The following CLIP1 variants were observed in gnomAD, a reference collection of about 807,000 sequenced individuals.
CLIP1 encodes the protein CAP-Gly domain-containing linker protein 1.
Under a neutral mutation model 161.6 loss-of-function variants are expected in CLIP1, and 66 were observed. That is an observed-to-expected ratio of 0.41 (90% confidence interval 0.33 to 0.50). CLIP1 has a LOEUF of 0.50. Ranked by LOEUF, CLIP1 falls within the 20% of genes least tolerant of loss-of-function variation. The pLI is 0.27. For synonymous variants in CLIP1, 598 were observed against 626.2 expected (o/e 0.96, Z 0.67); for missense variants, 1,376 against 1,702.0 (o/e 0.81, Z 3.37).
At chr12:122,313,776 A>G (rs906969039) in intron 19 of CLIP1, among the ~76,000 whole-genome samples, 1 of 152,154 alleles carries the variant, frequency 6.6e-6, no homozygotes, top group African/African-American at 2.4e-5. Context: ...CCAACACCAC[A>G]CTGAGGGTAG....
chr12:122,397,304 C>G (rs1955950534), intron 1 of CLIP1, among the ~76,000 whole-genome samples: 1 of 120,874 alleles, frequency 8.3e-6, no homozygotes, highest in Non-Finnish European at 2.0e-5. Flanking sequence ...ACAACAGAAT[C>G]AAAAGATGGA....
intron 10 of CLIP1, among the ~76,000 whole-genome samples, chr12:122,344,656 A>G (rs1952660536): frequency 6.6e-6 from 1 of 152,210 alleles, no homozygotes; most frequent in African/African-American, 2.4e-5. Flanking sequence ...TCATTTCCCA[A>G]AATCTGCCCT....
At chr12:122,302,807 G>A (rs771862804) in intron 20 of CLIP1, among the ~76,000 whole-genome samples, 1 of 152,124 alleles carries the variant, frequency 6.6e-6, no homozygotes, top group African/African-American at 2.4e-5. Flanking sequence ...ATGTTAGCCA[G>A]GCTGGTTTCA....
At chr12:122,308,899 C>G (rs1473563795) in intron 20 of CLIP1, among the ~76,000 whole-genome samples, 1 of 152,156 alleles carries the variant, frequency 6.6e-6, no homozygotes, top group Non-Finnish European at 1.5e-5. Flanking sequence ...GTACAACTAC[C>G]CCAAACTAAT....
intron 20 of CLIP1, among the ~76,000 whole-genome samples, chr12:122,293,478 C>A (rs1336725085): frequency 1.4e-5 from 2 of 141,800 alleles, no homozygotes; most frequent in East Asian, 6.1e-4. Flanking sequence ...TTGAGAATTT[C>A]TTTTTCTTTT....
chr12:122,363,962 G>T, intron 4 of CLIP1, 21 bp downstream of exon 4: 1 of 1,613,604 alleles, frequency 6.2e-7, no homozygotes, highest in Non-Finnish European at 8.5e-7. Flanking sequence ...GACACAAGAT[G>T]TTGCACAACG....
At chr12:122,289,805 GTT>G (rs11286847) in intron 20 of CLIP1, among the ~76,000 whole-genome samples, 71 of 136,792 alleles carry the variant, frequency 5.2e-4, no homozygotes, top group East Asian at 1.3e-3. Flanking sequence ...CACTGTTAAT[GTT>G]TTTTTTTTTT....
chr12:122,318,159 C>T (rs1951341323), intron 18 of CLIP1, among the ~76,000 whole-genome samples: 1 of 152,198 alleles, frequency 6.6e-6, no homozygotes, highest in Non-Finnish European at 1.5e-5. Flanking sequence ...ATGAGGAGGC[C>T]TGGTCTTTAC....
chr12:122,393,782 C>T (rs181072401), intron 1 of CLIP1, among the ~76,000 whole-genome samples: 29 of 151,698 alleles, frequency 1.9e-4, no homozygotes, highest in African/African-American at 5.3e-4. Flanking sequence ...TGTGGTGGTG[C>T]GCACCAGTAG....
intron 1 of CLIP1, among the ~76,000 whole-genome samples, chr12:122,397,549 T>C (rs1471892593): frequency 3.7e-5 from 2 of 54,018 alleles, no homozygotes; most frequent in South Asian, 8.9e-4. Context: ...CCAGACTCCA[T>C]CTCCAAAAAA....
intron 1 of CLIP1, among the ~76,000 whole-genome samples, chr12:122,388,127 G>C (rs1277696668): frequency 6.6e-6 from 1 of 152,090 alleles, no homozygotes; most frequent in African/African-American, 2.4e-5. Flanking sequence ...CTACAGCAGA[G>C]GTTCTCAAAA....
intron 20 of CLIP1, among the ~76,000 whole-genome samples, chr12:122,305,999 C>T (rs994993481): frequency 5.3e-5 from 8 of 150,672 alleles, no homozygotes; most frequent in African/African-American, 2.0e-4. Context: ...GCCCAGGAGG[C>T]CAAGTGATCG....
chr12:122,315,646 T>TC (rs1951231916), intron 19 of CLIP1, among the ~76,000 whole-genome samples: 1 of 143,772 alleles, frequency 7.0e-6, no homozygotes, highest in Admixed American at 6.9e-5. Flanking sequence ...ATTCCTTTTC[T>TC]TTTTTTTTTT....
At position 122,413,403 on chromosome 12, in the gene CLIP1, G is replaced by T. The variant is rs578188639; in HGVS notation, c.-107+9118C>A. 2.6e-5 allele frequency among the ~76,000 whole-genome samples: 4 copies of T among 152,288 alleles called. No individual in the cohort carries two copies. The South Asian group carries it at 8.3e-4, about 32-fold the overall frequency. Reference sequence around the variant, plus strand: ...AAGTTTTGGATGATTTGCACACCCTGAACATCTGGATCTTCTGGGCCTTAA... The same window carrying T: ...AAGTTTTGGATGATTTGCACACCCTTAACATCTGGATCTTCTGGGCCTTAA... On this transcript the variant is annotated intron_variant, in intron 1 of 25. Coordinates refer to ENST00000620786, the MANE Select transcript of CLIP1 (RefSeq NM_001247997.2).
Position 122,272,135 on chromosome 12 carries a change from T to C in CLIP1, c.*740A>G, listed in dbSNP as rs944483229. The C allele has an allele frequency of 1.3e-5, 2 of 152,348 alleles. No individual in the cohort carries two copies. The highest frequency in any genetic ancestry group is 2.4e-5 in the African/African-American group (1 of 41,456). The allele number at this position is 152,348 out of a possible 1,614,324, so 9.4% of individuals were successfully genotyped here. On this transcript the variant is annotated 3_prime_UTR_variant, in exon 26 of 26. Transcript: ENST00000620786. Reference sequence around the variant, plus strand: ...GAAAGACACATTGTGTATGTTTTTTTCCCAAAATATAGATTTTTAAAAAAT... The same window carrying C: ...GAAAGACACATTGTGTATGTTTTTTCCCCAAAATATAGATTTTTAAAAAAT...
chr12:122,407,261 A>G (rs533103154), intron 1 of CLIP1, among the ~76,000 whole-genome samples: 1 of 152,300 alleles, frequency 6.6e-6, no homozygotes, highest in South Asian at 2.1e-4. Context: ...ACTGATTCTA[A>G]AAAGTGAAAT....
At chr12:122,389,643 C>A (rs1955496973) in intron 1 of CLIP1, among the ~76,000 whole-genome samples, 2 of 149,382 alleles carry the variant, frequency 1.3e-5, no homozygotes, top group Admixed American at 1.3e-4. Context: ...CCTGTAGGCC[C>A]AGCTACTTAG....
intron 11 of CLIP1, among the ~76,000 whole-genome samples, chr12:122,340,379 G>A (rs1311928345): frequency 6.6e-6 from 1 of 151,910 alleles, no homozygotes; most frequent in East Asian, 1.9e-4. Context: ...GCGCCTGGCC[G>A]ATCTTTTGAG....
At chr12:122,380,590 A>G (rs1954972012) in intron 1 of CLIP1, 32 bp from the exon 2 acceptor site, 6 of 518,400 alleles carry the variant, frequency 1.2e-5, no homozygotes, top group Non-Finnish European at 2.0e-5. Flanking sequence ...AAGATTTTAT[A>G]ATCTACAGGA....
Sources: allele counts gnomAD v4.1 joint callset (sites outside exome capture counted in the v4.1 genomes callset), GRCh38; gene constraint gnomAD v4.1.1; transcripts MANE v1.5; gene names NCBI Gene and HGNC (gene_info 2026-07-23, HGNC 2026-07-21).